The following CHD2 variants were observed in gnomAD, a reference collection of about 807,000 sequenced individuals.
CHD2 encodes ATP-dependent chromatin remodeler CHD2.
In CHD2, 28 loss-of-function variants were observed where a neutral mutation model predicts 243.9. The ratio of observed to expected loss-of-function variants is 0.11; its 90% confidence interval spans 0.09 to 0.16. The LOEUF is 0.16. CHD2 is among the 10% of genes least tolerant of loss of function. The pLI, the probability that CHD2 is intolerant of heterozygous loss-of-function variation, is 1.00. For synonymous variants in CHD2, 775 were observed against 779.0 expected, an observed-to-expected ratio of 0.99 and a Z score of 0.09; for missense variants, 1,386 against 2,209.8, an observed-to-expected ratio of 0.63 and a Z score of 7.47.
intron 2 of CHD2, chr15:92,901,857 TG>T (rs2141697947): frequency 3.6e-6 from 1 of 274,734 alleles, no homozygotes; most frequent in East Asian, 6.4e-5. Context: ...TATATTTTTA[TG>T]TGACTTTATA....
At position 93,020,210 on chromosome 15, in the gene CHD2, A is replaced by C. The variant is rs1064796157; in HGVS notation, c.5105A>C (p.Gln1702Pro). The change falls in exon 38 of 39, where the codon CAG becomes CCG. Residue 1702 changes from glutamine (Q) to proline (P), a missense_variant. Physicochemically the swap from Gln to Pro is moderately conservative, Grantham distance 76. Transcript: ENST00000394196. The stretch of plus-strand genomic sequence containing the variant: ...ATGTCCAGAAAGAGGCCTTATGACC[A>C]GTACAGCAGTGACCGAGACCACCGG... ...NNMSRKRPYD[Q>P]YSSDRDHRGH... is the part of the protein sequence containing the mutation. 6.2e-7 allele frequency: 1 copy of C among 1,614,114 alleles called. No homozygotes were observed. Among genetic ancestry groups the C allele is most frequent in the Non-Finnish European group, 8.5e-7 (1 of 1,180,004 alleles).
chr15:93,027,172 A>T lies in CHD2; in HGVS notation c.*2467A>T, dbSNP rs771438702. 6.6e-6 allele frequency: 1 copy of T among 152,620 alleles called. No homozygotes were observed. The highest frequency in any genetic ancestry group is 2.4e-5 in the African/African-American group (1 of 41,442). The allele number at this position is 152,620 out of a possible 1,614,324, so 9.5% of individuals were successfully genotyped here. ...AAGGAAGCATTTCTTCATTGATTTA[A>T]ATCAGTATGAATATTATATGCCTAA... On this transcript the variant is annotated 3_prime_UTR_variant, in exon 39 of 39. Transcript: ENST00000394196.
chr15:93,023,354 C>T (rs1596463282), intron 38 of CHD2, among the ~76,000 whole-genome samples: 1 of 152,180 alleles, frequency 6.6e-6, no homozygotes, highest in Non-Finnish European at 1.5e-5. Flanking sequence ...TCATTCCATC[C>T]TTATGGCTGA....
intron 2 of CHD2, among the ~76,000 whole-genome samples, chr15:92,911,175 T>G (rs2052727633): frequency 6.6e-6 from 1 of 152,226 alleles, no homozygotes; most frequent in Non-Finnish European, 1.5e-5. Context: ...AGAGATTGTT[T>G]CAGTGAAAAC....
At chr15:92,963,331 A>G (rs1412862859) in intron 16 of CHD2, among the ~76,000 whole-genome samples, 1 of 151,980 alleles carries the variant, frequency 6.6e-6, no homozygotes, top group Non-Finnish European at 1.5e-5. Flanking sequence ...ATTTTTTGCT[A>G]TTAAAAAAAT....
chr15:92,971,945 A>G lies in CHD2; in HGVS notation c.2352+18A>G. ...TTCTTCTGGTAGGTAGTTCCTCATA[A>G]TTACTTTCTCAAAAAAAACGCTTAG... On this transcript the variant is annotated intron_variant, in intron 18 of 38. Coordinates refer to ENST00000394196, the MANE Select transcript of CHD2 (RefSeq NM_001271.4). The G allele has an allele frequency of 6.3e-7, 1 of 1,590,376 alleles. No homozygotes were observed. Among genetic ancestry groups the G allele is most frequent in the Non-Finnish European group, 8.5e-7 (1 of 1,171,750 alleles).
chr15:92,943,371 C>G (rs561040081), intron 9 of CHD2: 12 of 324,722 alleles, frequency 3.7e-5, no homozygotes, highest in Admixed American at 1.9e-4. Flanking sequence ...GGGGAGAATA[C>G]GGCACACAGC....
At position 92,992,740 on chromosome 15, in the gene CHD2, G is replaced by A. The variant is rs2054136808; in HGVS notation, c.3456-119G>A. On this transcript the variant is annotated intron_variant, in intron 27 of 38. Coordinates refer to ENST00000394196, the MANE Select transcript of CHD2 (RefSeq NM_001271.4). Reference sequence around the variant, plus strand: ...TTGGAGCCTTAGAATGACCACTAAAGGAACGCAAAGAAAAGTGTCTTTGCA... The same window carrying A: ...TTGGAGCCTTAGAATGACCACTAAAAGAACGCAAAGAAAAGTGTCTTTGCA... The A allele has an allele frequency of 8.6e-6, 11 of 1,274,228 alleles. No homozygotes were observed. In the East Asian group the frequency reaches 2.1e-4, roughly 25 times the overall value. 78.9% of individuals were successfully genotyped at this position (1,274,228 alleles called of 1,614,324 possible). A position where few individuals can be genotyped will look rare whatever the true frequency, so the allele number is the denominator to read the frequency against.
intron 2 of CHD2, chr15:92,902,454 T>G (rs2052542365): frequency 3.1e-6 from 1 of 321,490 alleles, no homozygotes; most frequent in Non-Finnish European, 5.6e-6. Flanking sequence ...ACTTTTCTAA[T>G]TTTTATAAAT....
At chr15:92,916,509 A>G (rs1232273382) in intron 2 of CHD2, among the ~76,000 whole-genome samples, 1 of 152,212 alleles carries the variant, frequency 6.6e-6, no homozygotes, top group African/African-American at 2.4e-5. Flanking sequence ...CAAGTTTGAT[A>G]ATTTGTCTAC....
At chr15:92,941,734 A>G in intron 7 of CHD2, 88 bp from the exon 8 acceptor site, 1 of 1,315,126 alleles carries the variant, frequency 7.6e-7, no homozygotes, top group Non-Finnish European at 1.1e-6. Flanking sequence ...CCAAAAGGGT[A>G]TGGTTTCTTA....
chr15:92,986,124 A>G (rs1364924622), intron 26 of CHD2, among the ~76,000 whole-genome samples: 2 of 152,186 alleles, frequency 1.3e-5, no homozygotes, highest in Non-Finnish European at 2.9e-5. Context: ...ATTTATAAGT[A>G]GTATGTACAG....
At position 92,971,445 on chromosome 15, in the gene CHD2, A is replaced by G. The variant is rs150086299; in HGVS notation, c.2190-320A>G. ...GTGTGTAAATATGTAAAATGTATGT[A>G]TGTATGTGTGTGTGTGTATATATGT... On this transcript the variant is annotated intron_variant, in intron 17 of 38. Coordinates refer to ENST00000394196, the MANE Select transcript of CHD2 (RefSeq NM_001271.4). Among the ~76,000 whole-genome samples the G allele has an allele frequency of 8.1e-3, 1,235 of 152,242 alleles. 54 individuals carry two copies. Among genetic ancestry groups the G allele is most frequent in the Admixed American group, 0.069 (1,059 of 15,282 alleles).
At chr15:92,909,939 C>CGTGTGTGTGTGTGTGTGT (rs57621949) in intron 2 of CHD2, among the ~76,000 whole-genome samples, 1 of 149,122 alleles carries the variant, frequency 6.7e-6, no homozygotes, top group African/African-American at 2.5e-5. Context: ...AAGGGTTTTA[C>CGTGTGTGTGTGTGTGTGT]GTGTGTGTGT....
intron 14 of CHD2, among the ~76,000 whole-genome samples, chr15:92,955,093 C>A (rs1403797332): frequency 1.3e-5 from 2 of 151,886 alleles, no homozygotes; most frequent in African/African-American, 4.8e-5. Flanking sequence ...AAAGAAATTT[C>A]TAAGGATCTG....
At chr15:92,915,864 C>A (rs1053381088) in intron 2 of CHD2, among the ~76,000 whole-genome samples, 2 of 152,138 alleles carry the variant, frequency 1.3e-5, no homozygotes, top group Non-Finnish European at 2.9e-5. Flanking sequence ...TACATACCTC[C>A]CTAACAATTT....
chr15:92,902,102 C>G, intron 2 of CHD2: 1 of 397,506 alleles, frequency 2.5e-6, no homozygotes. Flanking sequence ...ACATTGATTT[C>G]CTGTTGGTAG....
At chr15:93,011,026 C>T (rs776349740) in intron 35 of CHD2, among the ~76,000 whole-genome samples, 27 of 151,626 alleles carry the variant, frequency 1.8e-4, no homozygotes, top group Non-Finnish European at 3.2e-4. Context: ...CTTTTTTTTC[C>T]GCTTAACACT....
At chr15:92,993,227 T>G (rs1567155900) in intron 28 of CHD2, 7 of 409,072 alleles carry the variant, frequency 1.7e-5, no homozygotes, top group South Asian at 6.6e-5. Context: ...GATGAAATGG[T>G]TTTTTTTTGT....
Sources: allele counts gnomAD v4.1 joint callset (sites outside exome capture counted in the v4.1 genomes callset), GRCh38; gene constraint gnomAD v4.1.1; transcripts MANE v1.5; gene names NCBI Gene and HGNC (gene_info 2026-07-23, HGNC 2026-07-21).